The following STXBP5L variants were observed in gnomAD, a reference collection of about 807,000 sequenced individuals.
STXBP5L encodes syntaxin-binding protein 5-like.
Under a neutral mutation model 144.5 loss-of-function variants are expected in STXBP5L, and 65 were observed. The ratio of observed to expected loss-of-function variants is 0.45; its 90% CI spans 0.37 to 0.55. STXBP5L has a LOEUF of 0.55. Ranked by LOEUF, STXBP5L falls within the 20% of genes least tolerant of loss-of-function variation. The pLI is 0.00. For synonymous variants in STXBP5L, 505 were observed against 469.6 expected (o/e 1.08, Z -0.97); for missense variants, 1,298 against 1,405.5 (o/e 0.92, Z 1.22).
At chr3:120,972,076 A>C (rs988817005) in intron 3 of STXBP5L, among the ~76,000 whole-genome samples, 8 of 151,934 alleles carry the variant, frequency 5.3e-5, no homozygotes, top group Admixed American at 2.0e-4. Context: ...GGTTTATATG[A>C]ATTTTACAAT....
intron 2 of STXBP5L, among the ~76,000 whole-genome samples, chr3:120,932,958 A>C (rs1710031203): frequency 6.6e-6 from 1 of 150,676 alleles, no homozygotes; most frequent in Non-Finnish European, 1.5e-5. Flanking sequence ...CAAAAAACCA[A>C]ACACCACATG....
At chr3:121,364,538 G>A (rs2045810289) in intron 20 of STXBP5L, among the ~76,000 whole-genome samples, 1 of 150,852 alleles carries the variant, frequency 6.6e-6, no homozygotes, top group South Asian at 2.1e-4. Context: ...GATCACTTTG[G>A]TTTATATTGA....
At chr3:121,064,894 C>T (rs772776538) in intron 5 of STXBP5L, among the ~76,000 whole-genome samples, 7 of 152,076 alleles carry the variant, frequency 4.6e-5, no homozygotes, top group Non-Finnish European at 8.8e-5. Flanking sequence ...ATGTAGTTTG[C>T]CTTCCTCCGT....
chr3:121,251,348 A>G (rs960904215), intron 15 of STXBP5L, among the ~76,000 whole-genome samples: 1 of 152,204 alleles, frequency 6.6e-6, no homozygotes, highest in Non-Finnish European at 1.5e-5. Context: ...ATGCACATAT[A>G]TAACTATAGG....
At chr3:121,206,233 T>C (rs932244639) in intron 10 of STXBP5L, among the ~76,000 whole-genome samples, 2 of 152,190 alleles carry the variant, frequency 1.3e-5, no homozygotes, top group Non-Finnish European at 2.9e-5. Context: ...TTTAGACAAG[T>C]ATTATACACA....
intron 3 of STXBP5L, among the ~76,000 whole-genome samples, chr3:120,989,774 A>T (rs1183059157): frequency 6.6e-6 from 1 of 152,114 alleles, no homozygotes; most frequent in Admixed American, 6.6e-5. Context: ...TCATTACATA[A>T]TGTTTTCATT....
intron 2 of STXBP5L, among the ~76,000 whole-genome samples, chr3:120,949,251 T>C (rs1162015620): frequency 6.6e-6 from 1 of 151,902 alleles, no homozygotes; most frequent in Non-Finnish European, 1.5e-5. Flanking sequence ...TTTCATGGGA[T>C]TATTATATTT....
intron 14 of STXBP5L, among the ~76,000 whole-genome samples, chr3:121,247,160 A>G (rs1349208944): frequency 6.6e-6 from 1 of 152,218 alleles, no homozygotes; most frequent in Non-Finnish European, 1.5e-5. Flanking sequence ...TCAGTTGGCT[A>G]TATACATATG....
chr3:121,143,878 T>C lies in STXBP5L; in HGVS notation c.670-8599T>C, dbSNP rs2045608685. On this transcript the variant is annotated intron_variant, in intron 7 of 26. Transcript: ENST00000471454. ...ACATAGGACCTTAAACTCTGAAATA[T>C]GTAGAAAAAACGTAGAAGAAAAGCT... Among the ~76,000 whole-genome samples, 4 of 151,730 alleles carry C rather than the reference T, an allele frequency of 2.6e-5. No individual in the cohort carries two copies. The South Asian group carries it at 8.3e-4, about 31-fold the overall frequency.
At chr3:120,953,173 A>G (rs753581239) in intron 2 of STXBP5L, among the ~76,000 whole-genome samples, 28 of 152,042 alleles carry the variant, frequency 1.8e-4, no homozygotes, top group Non-Finnish European at 3.7e-4. Context: ...ACATGCTTGA[A>G]ATAGATTCAC....
chr3:121,099,061 A>G (rs558581309), intron 5 of STXBP5L: 1 of 152,318 alleles, frequency 6.6e-6, no homozygotes, highest in East Asian at 1.9e-4. Context: ...TGATCTTGGT[A>G]TCAATAAAGG....
chr3:121,208,017 T>C (rs1215677232), intron 10 of STXBP5L, among the ~76,000 whole-genome samples: 2 of 152,122 alleles, frequency 1.3e-5, no homozygotes, highest in Non-Finnish European at 2.9e-5. Context: ...CATGCTGCTA[T>C]AAAGACACAT....
intron 5 of STXBP5L, chr3:121,099,496 T>C (rs1208591068): frequency 6.6e-6 from 1 of 152,330 alleles, no homozygotes; most frequent in Non-Finnish European, 1.5e-5. Flanking sequence ...AGTGAACACT[T>C]ATGCCCAAGA....
At chr3:121,358,066 A>G (rs767698631) in intron 20 of STXBP5L, 4 of 152,218 alleles carry the variant, frequency 2.6e-5, no homozygotes, top group Non-Finnish European at 5.9e-5. Context: ...TAACCATATA[A>G]TGGACAATGG....
chr3:121,333,037 G>A (rs1377160617), intron 20 of STXBP5L, among the ~76,000 whole-genome samples: 1 of 152,122 alleles, frequency 6.6e-6, no homozygotes, highest in Non-Finnish European at 1.5e-5. Context: ...AAGGCTGTGG[G>A]AACTTGCCAC....
At chr3:121,106,298 T>A (rs1042335493) in intron 5 of STXBP5L, among the ~76,000 whole-genome samples, 1 of 152,200 alleles carries the variant, frequency 6.6e-6, no homozygotes, top group Non-Finnish European at 1.5e-5. Flanking sequence ...TCCAGGTTTG[T>A]TAACATATGT....
At chr3:121,309,526 G>T (rs1263491387) in intron 19 of STXBP5L, among the ~76,000 whole-genome samples, 4 of 151,918 alleles carry the variant, frequency 2.6e-5, no homozygotes, top group Admixed American at 2.6e-4. Context: ...AAAAGAGAAA[G>T]TCAATAATAA....
intron 2 of STXBP5L, among the ~76,000 whole-genome samples, chr3:120,926,484 C>G (rs1035008143): frequency 1.3e-5 from 2 of 151,804 alleles, no homozygotes; most frequent in Admixed American, 6.6e-5. Context: ...GATCCTCTCT[C>G]TGTCTTTGAC....
At chr3:121,094,596 C>T (rs536017351) in intron 5 of STXBP5L, among the ~76,000 whole-genome samples, 137 of 151,920 alleles carry the variant, frequency 9.0e-4, no homozygotes, top group African/African-American at 3.1e-3. Context: ...GATTGCAACC[C>T]CTGCCTTTTT....
Sources: allele counts gnomAD v4.1 joint callset (sites outside exome capture counted in the v4.1 genomes callset), GRCh38; gene constraint gnomAD v4.1.1; transcripts MANE v1.5; gene names NCBI Gene and HGNC (gene_info 2026-07-23, HGNC 2026-07-21).